The following PDZRN4 variants were observed in gnomAD, a reference collection of about 807,000 sequenced individuals.
PDZRN4 encodes the protein PDZ domain containing ring finger 4, also known as PDZ domain-containing RING finger protein 4.
Under a neutral mutation model 99.0 loss-of-function variants are expected in PDZRN4, and 70 were observed. That is an observed-to-expected ratio of 0.71 (90% confidence interval 0.58 to 0.86). The LOEUF (loss-of-function observed/expected upper bound fraction) is 0.86, where lower values mean the gene tolerates loss of function less well. Ranked by LOEUF, PDZRN4 falls within the 40% of genes least tolerant of loss-of-function variation. The pLI is 0.00. For synonymous variants in PDZRN4, 551 were observed against 501.6 expected (o/e 1.10, Z -1.32); for missense variants, 1,474 against 1,331.2 (o/e 1.11, Z -1.67).
intron 3 of PDZRN4, among the ~76,000 whole-genome samples, chr12:41,385,635 G>A (rs755342738): frequency 3.3e-5 from 5 of 152,088 alleles, no homozygotes; most frequent in Admixed American, 6.6e-5. Context: ...AAACTGAATC[G>A]CTGAAGAGAG....
chr12:41,376,318 G>A (rs74396157), intron 3 of PDZRN4, among the ~76,000 whole-genome samples: 1 of 151,960 alleles, frequency 6.6e-6, no homozygotes, highest in African/African-American at 2.4e-5. Context: ...TTCCATAATG[G>A]TTGTACCAAT....
At chr12:41,509,380 T>G (rs1449443097) in intron 4 of PDZRN4, among the ~76,000 whole-genome samples, 1 of 152,130 alleles carries the variant, frequency 6.6e-6, no homozygotes, top group Non-Finnish European at 1.5e-5. Context: ...TTTCAAAAAA[T>G]AGTTTGCAGC....
intron 3 of PDZRN4, among the ~76,000 whole-genome samples, chr12:41,338,204 A>G (rs753870344): frequency 3.9e-5 from 6 of 152,174 alleles, no homozygotes; most frequent in Non-Finnish European, 7.4e-5. Context: ...CAAAAGGATT[A>G]ATATCTATTC....
intron 3 of PDZRN4, among the ~76,000 whole-genome samples, chr12:41,329,760 T>A (rs1951731363): frequency 6.6e-6 from 1 of 152,112 alleles, no homozygotes. Flanking sequence ...CTGACATTGT[T>A]TATACAAATT....
At chr12:41,523,308 G>C (rs1938523431) in intron 5 of PDZRN4, among the ~76,000 whole-genome samples, 1 of 152,070 alleles carries the variant, frequency 6.6e-6, no homozygotes, top group Non-Finnish European at 1.5e-5. Context: ...CTCTCATGTA[G>C]ATGCTGTTGA....
intron 3 of PDZRN4, among the ~76,000 whole-genome samples, chr12:41,425,932 C>A (rs1250639953): frequency 1.3e-5 from 2 of 152,126 alleles, no homozygotes; most frequent in Non-Finnish European, 1.5e-5. Flanking sequence ...TATCTCTAGA[C>A]ACCAAGTTCA....
intron 7 of PDZRN4, among the ~76,000 whole-genome samples, chr12:41,558,949 G>A (rs1023512792): frequency 1.3e-5 from 2 of 152,190 alleles, no homozygotes; most frequent in African/African-American, 2.4e-5. Flanking sequence ...CTTTCCCAGA[G>A]AGATGAGAGT....
At chr12:41,538,436 T>C (rs1370196333) in intron 5 of PDZRN4, among the ~76,000 whole-genome samples, 1 of 152,184 alleles carries the variant, frequency 6.6e-6, no homozygotes, top group Admixed American at 6.5e-5. Flanking sequence ...TACTTTGCTA[T>C]TATAAATTAT....
chr12:41,495,976 T>C (rs1038550193), intron 3 of PDZRN4, among the ~76,000 whole-genome samples: 8 of 152,160 alleles, frequency 5.3e-5, no homozygotes, highest in African/African-American at 1.9e-4. Flanking sequence ...TGTTAATACC[T>C]TCCTTTCAGC....
At chr12:41,229,517 A>G (rs1016486702) in intron 3 of PDZRN4, among the ~76,000 whole-genome samples, 34 of 151,726 alleles carry the variant, frequency 2.2e-4, no homozygotes, top group African/African-American at 7.5e-4. Flanking sequence ...CTTGACCCAG[A>G]CCCCACTCCC....
At chr12:41,256,277 T>G (rs1951203842) in intron 3 of PDZRN4, among the ~76,000 whole-genome samples, 1 of 152,180 alleles carries the variant, frequency 6.6e-6, no homozygotes, top group African/African-American at 2.4e-5. Context: ...CTTGAATACT[T>G]TCTAAGGTCC....
At chr12:41,313,199 A>G in intron 3 of PDZRN4, among the ~76,000 whole-genome samples, 1 of 152,122 alleles carries the variant, frequency 6.6e-6, no homozygotes, top group South Asian at 2.1e-4. Flanking sequence ...TAACCCTTGT[A>G]AATCTCTTTC....
At chr12:41,555,673 A>G (rs1939145908) in intron 6 of PDZRN4, 25 bp from the exon 7 acceptor site, 1 of 1,590,290 alleles carries the variant, frequency 6.3e-7, no homozygotes, top group Non-Finnish European at 8.6e-7. Flanking sequence ...TACCCAGTTG[A>G]AGATGTATGT....
intron 3 of PDZRN4, among the ~76,000 whole-genome samples, chr12:41,269,637 G>A (rs1951300499): frequency 1.3e-5 from 2 of 152,162 alleles, no homozygotes; most frequent in Non-Finnish European, 2.9e-5. Flanking sequence ...GGCCAGGCCT[G>A]GCGTCAGTTT....
intron 3 of PDZRN4, among the ~76,000 whole-genome samples, chr12:41,385,690 AC>A (rs1445218707): frequency 1.3e-5 from 2 of 152,140 alleles, no homozygotes; most frequent in African/African-American, 4.8e-5. Flanking sequence ...TAGCCCACCA[AC>A]CAAAAAAAGC....
At chr12:41,212,256 T>C (rs1443973772) in intron 3 of PDZRN4, among the ~76,000 whole-genome samples, 1 of 152,074 alleles carries the variant, frequency 6.6e-6, no homozygotes, top group Non-Finnish European at 1.5e-5. Flanking sequence ...CATATTACAA[T>C]ATCAATGCAA....
At chr12:41,398,943 A>G (rs763067970) in intron 3 of PDZRN4, among the ~76,000 whole-genome samples, 5 of 152,162 alleles carry the variant, frequency 3.3e-5, no homozygotes, top group Non-Finnish European at 7.4e-5. Context: ...AACTATTTTC[A>G]TCTCATCTGT....
chr12:41,489,093 A>AT (rs879592268), intron 3 of PDZRN4, among the ~76,000 whole-genome samples: 22 of 152,204 alleles, frequency 1.4e-4, no homozygotes, highest in African/African-American at 4.1e-4. Flanking sequence ...ATTTTTTGAG[A>AT]TTTTTTTAGC....
intron 3 of PDZRN4, among the ~76,000 whole-genome samples, chr12:41,338,181 A>G (rs1038722952): frequency 6.6e-5 from 10 of 152,142 alleles, no homozygotes; most frequent in Admixed American, 5.2e-4. Flanking sequence ...TATAGTATAT[A>G]ATTTTGTTAT....
Sources: allele counts gnomAD v4.1 joint callset (sites outside exome capture counted in the v4.1 genomes callset), GRCh38; gene constraint gnomAD v4.1.1; transcripts MANE v1.5; gene names NCBI Gene and HGNC (gene_info 2026-07-23, HGNC 2026-07-21).